Variants in REM1 observed in about 807,000 individuals in gnomAD.
The protein encoded by REM1 is GTP-binding protein REM 1.
In REM1, 20 loss-of-function variants were observed where a neutral mutation model predicts 27.0. The ratio of observed to expected loss-of-function variants is 0.74; its 90% CI spans 0.52 to 1.08. REM1 has a LOEUF of 1.08. REM1 is among the 50% of genes least tolerant of loss of function. The pLI is 0.00. For synonymous variants in REM1, 159 were observed against 167.9 expected (o/e 0.95, Z 0.41); for missense variants, 405 against 407.0 (o/e 1.00, Z 0.04).
intron 2 of REM1, 92 bp from the exon 3 acceptor site, chr20:31,477,736 G>A: frequency 2.3e-6 from 2 of 873,512 alleles, no homozygotes; most frequent in Non-Finnish European, 3.7e-6. Context: ...CAAGTGGAGG[G>A]GGCGATATGA....
rs1980519358 is a variant in REM1 at position 31,476,691 on chromosome 20, T to G, written c.246T>G (p.Arg82=). The G allele has an allele frequency of 2.5e-6, 4 of 1,613,804 alleles. No homozygotes were observed. Among genetic ancestry groups the G allele is most frequent in the Non-Finnish European group, 3.4e-6 (4 of 1,179,970 alleles). The change falls in exon 2 of 5, where the codon CGT becomes CGG. Residue 82 remains arginine, a synonymous_variant. Coordinates refer to ENST00000201979, the MANE Select transcript of REM1 (RefSeq NM_014012.6). ...AAGGCTCCTGGGAGGCTCTCTACCG[T>G]GTGGTGCTACTTGGAGATCCTGGAG... The part of the protein sequence containing the change: ...DSEGSWEALY[R]VVLLGDPGVG...
chr20:31,484,244 G>A lies in REM1; in HGVS notation c.711G>A (p.Glu237=), dbSNP rs751407232. The A allele has an allele frequency of 3.7e-6, 6 of 1,605,862 alleles. No homozygotes were observed. Among genetic ancestry groups the A allele is most frequent in the Admixed American group, 1.7e-5 (1 of 58,968 alleles). The part of the protein sequence containing the change: ...TLQHNVAELF[E]GVVRQLRLRR... ...AGCACAATGTGGCCGAGCTCTTCGA[G>A]GGCGTGGTGCGCCAACTGCGCTTGC... Residue 237 remains glutamate, a synonymous_variant, in exon 5 of 5, where the codon GAG becomes GAA. Coordinates refer to ENST00000201979, the MANE Select transcript of REM1 (RefSeq NM_014012.6).
chr20:31,482,751 C>T (rs1980779951), intron 4 of REM1, among the ~76,000 whole-genome samples: 4 of 152,188 alleles, frequency 2.6e-5, no homozygotes, highest in Admixed American at 2.6e-4. Flanking sequence ...GCATCTCCAC[C>T]TTCGCCAGTC....
In REM1 at chr20:31,476,632, C is replaced by T; in HGVS notation, c.187C>T (p.Pro63Ser). Residue 63 changes from proline to serine, a missense_variant, in exon 2 of 5, where the codon CCA becomes TCA. Physicochemically the swap from Pro to Ser is moderately conservative, Grantham distance 74. Transcript: ENST00000201979. ...NPPTQKPSPA[P>S]DDWSSESSDS... ...TCCCACCCAGAAACCTTCACCTGCC[C>T]CAGATGATTGGTCTTCTGAATCCAG... is the stretch of plus-strand genomic sequence containing the variant. The T allele has an allele frequency of 6.2e-7, 1 of 1,614,186 alleles. No individual in the cohort carries two copies. The highest frequency in any genetic ancestry group is 8.5e-7 in the Non-Finnish European group (1 of 1,180,034).
intron 2 of REM1, 70 bp from the exon 3 acceptor site, chr20:31,477,758 G>A: frequency 8.7e-7 from 1 of 1,155,120 alleles, no homozygotes; most frequent in Non-Finnish European, 1.3e-6. Context: ...CAGAAATGGG[G>A]GGCAGGGAAC....
At chr20:31,479,345 C>T (rs1391396774) in intron 3 of REM1, among the ~76,000 whole-genome samples, 1 of 152,160 alleles carries the variant, frequency 6.6e-6, no homozygotes, top group Non-Finnish European at 1.5e-5. Flanking sequence ...GCTTCGTGGA[C>T]CTCACAGGCT....
chr20:31,484,420 C>T lies in REM1; in HGVS notation c.887C>T (p.Ala296Val). The T allele has an allele frequency of 6.6e-7, 1 of 1,514,764 alleles. No homozygotes were observed. The highest frequency in any genetic ancestry group is 8.8e-7 in the Non-Finnish European group (1 of 1,130,390). 93.8% of individuals were successfully genotyped at this position (1,514,764 alleles called of 1,614,324 possible). ...CGCTCCAAGTCCTGCCACAATCTGG[C>T]CGTGCTCTGAAGCCCCCCGCCCTTC... is the stretch of plus-strand genomic sequence containing the variant. ...KARSKSCHNL[A>V]VL Residue 296 changes from alanine (A) to valine (V), a missense_variant, in exon 5 of 5, where the codon GCC becomes GTC. Transcript: ENST00000201979.
chr20:31,480,220 TAGATAGATAG>T (rs1980673000), intron 3 of REM1, among the ~76,000 whole-genome samples: 1 of 128,394 alleles, frequency 7.8e-6, no homozygotes, highest in African/African-American at 3.0e-5. Context: ...GATAGATAGA[TAGATAGATAG>T]ACAGATACAT....
At chr20:31,476,179 G>A (rs1980489228) in intron 1 of REM1, 48 bp from the exon 2 acceptor site, 1 of 479,832 alleles carries the variant, frequency 2.1e-6, no homozygotes, top group Non-Finnish European at 3.7e-6. Context: ...GGGTGTGCAT[G>A]TCTGTGTGTT....
At position 31,482,420 on chromosome 20, in the gene REM1, A is replaced by C. The variant is rs1980765517; in HGVS notation, c.557A>C (p.Asp186Ala). 6.2e-7 allele frequency: 1 copy of C among 1,614,062 alleles called. No homozygotes were observed. Among genetic ancestry groups the C allele is most frequent in the Non-Finnish European group, 8.5e-7 (1 of 1,180,032 alleles). ...CAGCTGCGGCGCACACATCAGGCAG[A>C]CCATGTGCCCATCATCCTCGTGGGC... ...RIQLRRTHQA[D>A]HVPIILVGNK... The change falls in exon 4 of 5, where the codon GAC (aspartate) becomes GCC (alanine). Residue 186 changes from aspartate (D) to alanine (A), a missense_variant. Coordinates refer to ENST00000201979, the MANE Select transcript of REM1 (RefSeq NM_014012.6).
rs1366136235 is a variant in REM1, at chr20:31,480,874, T to A, written c.424-1413T>A. ...CCCTAAGGTTATTTGGCCTGGGAAA[T>A]GATCAGTATGGCTGTTGAGAACTTA... On this transcript the variant is annotated intron_variant, in intron 3 of 4. Transcript: ENST00000201979. Among the ~76,000 whole-genome samples the A allele has an allele frequency of 2.0e-5, 3 of 152,290 alleles. No homozygotes were observed. In the East Asian group the frequency reaches 5.8e-4, roughly 29 times the overall value.
intron 3 of REM1, among the ~76,000 whole-genome samples, chr20:31,480,579 T>C (rs902086093): frequency 6.6e-6 from 1 of 152,114 alleles, no homozygotes; most frequent in South Asian, 2.1e-4. Flanking sequence ...CACCTCAGCC[T>C]CCCAAAGTGC....
At chr20:31,479,460 G>T (rs186642071) in intron 3 of REM1, among the ~76,000 whole-genome samples, 1 of 145,068 alleles carries the variant, frequency 6.9e-6, no homozygotes, top group Non-Finnish European at 1.5e-5. Flanking sequence ...TCAGGAGACA[G>T]GGGAGAAAGG....
chr20:31,484,247 C>T lies in REM1; in HGVS notation c.714C>T (p.Gly238=). Residue 238 remains glycine (G), a synonymous_variant, in exon 5 of 5, where the codon GGC becomes GGT. Coordinates refer to ENST00000201979, the MANE Select transcript of REM1 (RefSeq NM_014012.6). ...LQHNVAELFE[G]VVRQLRLRRR... ...ACAATGTGGCCGAGCTCTTCGAGGG[C>T]GTGGTGCGCCAACTGCGCTTGCGCC... The T allele has an allele frequency of 5.0e-6, 8 of 1,604,962 alleles. No homozygotes were observed. Among genetic ancestry groups the T allele is most frequent in the Non-Finnish European group, 6.8e-6 (8 of 1,176,898 alleles).
In REM1 at chr20:31,484,793, C is replaced by CAATGA; in HGVS notation, c.*363_*364insAATGA. ...CCCAGACCTCTCCATCTCGGCTCTT[C>CAATGA]CAGGCGTCTCCACCTACTGCCCTCC... On this transcript the variant is annotated 3_prime_UTR_variant, in exon 5 of 5. Transcript: ENST00000201979. 4.5e-6 allele frequency: 1 copy of CAATGA among 223,908 alleles called. No homozygotes were observed. Among genetic ancestry groups the CAATGA allele is most frequent in the Non-Finnish European group, 8.7e-6 (1 of 115,314 alleles). 13.9% of individuals were successfully genotyped at this position (223,908 alleles called of 1,614,324 possible).
chr20:31,480,649 C>T (rs953976004), intron 3 of REM1, among the ~76,000 whole-genome samples: 1 of 152,086 alleles, frequency 6.6e-6, no homozygotes, highest in African/African-American at 2.4e-5. Context: ...AATCACACTC[C>T]CAATAAGTTC....
chr20:31,476,507 T>G lies in REM1; in HGVS notation c.62T>G (p.Leu21Arg), dbSNP rs746920946. ...CTGCACCGGCGAGCCAGCACCCCAC[T>G]GCCCCTGTCCCCACGGGGCCACCAG... Reference protein sequence around the residue: ...TPLHRRASTPLPLSPRGHQPG... With the variant: ...TPLHRRASTPRPLSPRGHQPG... The change falls in exon 2 of 5, where the codon CTG (leucine) becomes CGG (arginine). Residue 21 changes from leucine (L) to arginine (R), a missense_variant. Transcript: ENST00000201979. 6.8e-5 allele frequency: 110 copies of G among 1,613,602 alleles called. No individual in the cohort carries two copies. The highest frequency in any genetic ancestry group is 3.3e-5 in the Admixed American group (2 of 59,958).
chr20:31,482,464 C>G lies in REM1; in HGVS notation c.601C>G (p.Arg201Gly). 1 of 1,614,144 alleles carries G rather than the reference C, an allele frequency of 6.2e-7. No homozygotes were observed. The highest frequency in any genetic ancestry group is 1.1e-5 in the South Asian group (1 of 91,082). Residue 201 changes from arginine (R) to glycine (G), a missense_variant, in exon 4 of 5, where the codon CGC (arginine) becomes GGC (glycine). Transcript: ENST00000201979. ...ILVGNKADLA[R>G]CREVSVEEGR... Reference sequence around the variant, plus strand: ...CGTGGGCAACAAGGCAGACTTGGCCCGCTGCCGAGAAGTCTCTGTGGAAGG... The same window carrying G: ...CGTGGGCAACAAGGCAGACTTGGCCGGCTGCCGAGAAGTCTCTGTGGAAGG...
chr20:31,480,144 C>T (rs1483589564), intron 3 of REM1, among the ~76,000 whole-genome samples: 1 of 151,774 alleles, frequency 6.6e-6, no homozygotes, highest in Non-Finnish European at 1.5e-5. Flanking sequence ...TCACCCTGGC[C>T]CTCACCCTCA....
Sources: gnomAD v4.1 joint callset for allele counts (sites outside exome capture counted in the v4.1 genomes callset) on GRCh38, gnomAD v4.1.1 for gene constraint, MANE v1.5 for transcripts, NCBI Gene and HGNC (gene_info 2026-07-23, HGNC 2026-07-21) for gene names.